The following ALS2 variants were observed in gnomAD, a reference collection of about 807,000 sequenced individuals.
The protein encoded by ALS2 is alsin Rho guanine nucleotide exchange factor ALS2.
ALS2 carries 117 observed loss-of-function variants against 203.4 expected under a neutral mutation model. The observed-to-expected ratio is 0.58, with a 90% confidence interval of 0.50 to 0.67. The LOEUF (loss-of-function observed/expected upper bound fraction) is 0.67, where lower values mean the gene tolerates loss of function less well. ALS2 is among the 30% of genes least tolerant of loss of function. The probability of loss-of-function intolerance (pLI) is 0.00; values close to 1 mark genes in which losing one functional copy is unlikely to be tolerated. For synonymous variants in ALS2, 718 were observed against 725.9 expected (o/e 0.99, Z 0.17); for missense variants, 1,715 against 1,989.4 (o/e 0.86, Z 2.62).
At chr2:201,732,399 CAAA>C (rs11288102) in intron 13 of ALS2, among the ~76,000 whole-genome samples, 3 of 85,144 alleles carry the variant, frequency 3.5e-5, no homozygotes, top group Non-Finnish European at 2.5e-5. Context: ...ACTAAAAATA[CAAA>C]AAAAAAAAAA....
At chr2:201,703,895 G>A (rs41309060) in intron 33 of ALS2, among the ~76,000 whole-genome samples, 1,771 of 152,242 alleles carry the variant, frequency 0.012, 33 homozygotes, top group African/African-American at 0.038. Flanking sequence ...CAATTTACAA[G>A]GAGGATTAGA....
intron 19 of ALS2, among the ~76,000 whole-genome samples, chr2:201,725,756 A>C (rs1483587113): frequency 1.3e-5 from 2 of 152,214 alleles, no homozygotes; most frequent in African/African-American, 2.4e-5. Flanking sequence ...CCATGCGGTA[A>C]GCCCAGGTAT....
At position 201,754,578 on chromosome 2, in the gene ALS2, G is replaced by C. The variant is rs760588436; in HGVS notation, c.1565C>G (p.Pro522Arg). ...TYSGEADALL[P>R]SLRTEVWTWG... ...GGTCCACACTTCTGTTCTCAGAGAAGGCAGGAGCGCATCTGCTTCTCCACT... is the reference window on the plus strand; with the variant it reads ...GGTCCACACTTCTGTTCTCAGAGAACGCAGGAGCGCATCTGCTTCTCCACT... Residue 522 changes from proline to arginine, a missense_variant, in exon 6 of 34, where the codon CCT becomes CGT. Around this residue, in one of 3 missense-constraint regions of ALS2, gnomAD observed 1,227 missense variants for 1,413.5 expected, o/e 0.87. Transcript: ENST00000264276. 2 of 1,614,140 alleles carry C rather than the reference G, an allele frequency of 1.2e-6. No individual in the cohort carries two copies. Among genetic ancestry groups the C allele is most frequent in the Middle Eastern group, 1.6e-4 (1 of 6,062 alleles).
intron 2 of ALS2, among the ~76,000 whole-genome samples, 172 bp downstream of exon 2, chr2:201,768,694 A>G (rs1694227687): frequency 1.3e-5 from 2 of 152,220 alleles, no homozygotes; most frequent in African/African-American, 2.4e-5. Context: ...AAAGCTTACA[A>G]CTAACAAGCC....
chr2:201,730,211 T>C (rs372378521), intron 13 of ALS2, among the ~76,000 whole-genome samples: 6 of 152,314 alleles, frequency 3.9e-5, no homozygotes, highest in Admixed American at 1.3e-4. Context: ...AATGAGCTTT[T>C]TGTACCCTGT....
intron 4 of ALS2, among the ~76,000 whole-genome samples, chr2:201,759,264 G>T (rs1274970607): frequency 6.6e-6 from 1 of 152,098 alleles, no homozygotes; most frequent in African/African-American, 2.4e-5. Flanking sequence ...CAATTTTGAT[G>T]AAATATATAA....
intron 31 of ALS2, among the ~76,000 whole-genome samples, 166 bp from the exon 32 acceptor site, chr2:201,704,769 G>A (rs1241920462): frequency 6.6e-6 from 1 of 152,184 alleles, no homozygotes; most frequent in African/African-American, 2.4e-5. Flanking sequence ...ATGGTGCTAT[G>A]AGAAAAGTAG....
At chr2:201,742,800 G>A (rs965321944) in intron 10 of ALS2, among the ~76,000 whole-genome samples, 1 of 152,142 alleles carries the variant, frequency 6.6e-6, no homozygotes, top group African/African-American at 2.4e-5. Flanking sequence ...GGCCGGGCAC[G>A]GTGGCTCATG....
At chr2:201,704,833 A>G (rs953767231) in intron 31 of ALS2, among the ~76,000 whole-genome samples, 1 of 152,118 alleles carries the variant, frequency 6.6e-6, no homozygotes, top group Non-Finnish European at 1.5e-5. Flanking sequence ...GTGAAATCTC[A>G]TTCTCCTAAT....
At chr2:201,780,563 G>A (rs1694858228) in intron 1 of ALS2, among the ~76,000 whole-genome samples, 1 of 152,182 alleles carries the variant, frequency 6.6e-6, no homozygotes, top group South Asian at 2.1e-4. Context: ...CGGGAAGAGG[G>A]GGCTTGAAGG....
intron 23 of ALS2, 99 bp downstream of exon 23, chr2:201,722,944 G>A: frequency 1.1e-6 from 1 of 937,378 alleles, no homozygotes; most frequent in Non-Finnish European, 1.7e-6. Context: ...CACTTGAAAG[G>A]GGTGAATTTT....
chr2:201,730,424 C>G (rs933729122), intron 13 of ALS2, among the ~76,000 whole-genome samples: 1 of 152,096 alleles, frequency 6.6e-6, no homozygotes, highest in East Asian at 1.9e-4. Context: ...AGATAAAGTC[C>G]TAAGTATCAG....
Position 201,718,180 on chromosome 2 carries a change from T to G in ALS2, c.3733A>C (p.Ile1245Leu). The change falls in exon 24 of 34, where the codon ATT becomes CTT. Residue 1245 changes from isoleucine to leucine, a missense_variant. Ile to Leu is a conservative substitution (Grantham distance 5, BLOSUM62 2). This residue lies in a region of ALS2 where 1,227 missense variants were observed against 1,413.5 expected (regional missense o/e 0.87). Coordinates refer to ENST00000264276, the MANE Select transcript of ALS2 (RefSeq NM_020919.4). The stretch of plus-strand genomic sequence containing the variant: ...CATTCTCCACTAAAATAACCTTCAA[T>G]GTAGTCTCCATTTGGCATAGTCAGT... Reference protein sequence around the residue: ...GTLTMPNGDYIEGYFSGEWGS... With the variant: ...GTLTMPNGDYLEGYFSGEWGS... 1.2e-6 allele frequency: 2 copies of G among 1,613,626 alleles called. No homozygotes were observed. The highest frequency in any genetic ancestry group is 1.7e-6 in the Non-Finnish European group (2 of 1,179,558).
chr2:201,746,764 GAT>G lies in ALS2; in HGVS notation c.1816-18_1816-17del, dbSNP rs1304995143. On this transcript the variant is annotated splice_polypyrimidine_tract_variant and intron_variant, in intron 8 of 33. Transcript: ENST00000264276. Reference sequence around the variant, plus strand: ...CACTGCTTATCTGCAACGACAGAAAGATAGTGTCTGTCCAAGATAAAGGCAAT... The same window carrying G: ...CACTGCTTATCTGCAACGACAGAAAGAGTGTCTGTCCAAGATAAAGGCAAT... 6.2e-6 allele frequency: 10 copies of G among 1,613,534 alleles called. No homozygotes were observed. Among genetic ancestry groups the G allele is most frequent in the Admixed American group, 1.7e-5 (1 of 60,000 alleles).
intron 23 of ALS2, among the ~76,000 whole-genome samples, chr2:201,721,435 T>G (rs549488289): frequency 6.6e-6 from 1 of 152,186 alleles, no homozygotes; most frequent in Non-Finnish European, 1.5e-5. Flanking sequence ...GTAATCTAGA[T>G]GGTGTGGTAT....
Position 201,725,407 on chromosome 2 carries a change from T to C in ALS2, c.3296A>G (p.His1099Arg), listed in dbSNP as rs902170022. 3.1e-6 allele frequency: 5 copies of C among 1,613,996 alleles called. No individual in the cohort carries two copies. Among genetic ancestry groups the C allele is most frequent in the South Asian group, 1.1e-5 (1 of 91,084 alleles). ...IPNKAMNKED[H>R]YVGHWKEGKM... Reference sequence around the variant, plus strand: ...TCCTTCTTTCCAATGGCCCACATAATGGTCTTCTTTGTTCATTGCCTTGTT... The same window carrying C: ...TCCTTCTTTCCAATGGCCCACATAACGGTCTTCTTTGTTCATTGCCTTGTT... Residue 1099 changes from histidine to arginine, a missense_variant, in exon 20 of 34, where the codon CAT (histidine) becomes CGT (arginine). Physicochemically the swap from His to Arg is conservative, Grantham distance 29. Around this residue, in one of 3 missense-constraint regions of ALS2, gnomAD observed 1,227 missense variants for 1,413.5 expected, o/e 0.87. Coordinates refer to ENST00000264276, the MANE Select transcript of ALS2 (RefSeq NM_020919.4).
intron 3 of ALS2, chr2:201,763,010 C>A: frequency 6.2e-6 from 1 of 161,504 alleles, no homozygotes; most frequent in Non-Finnish European, 1.4e-5. Flanking sequence ...TTCCTGGGGA[C>A]CTCTCTCAAG....
intron 30 of ALS2, 66 bp from the exon 31 acceptor site, chr2:201,705,266 C>T: frequency 6.5e-7 from 1 of 1,534,982 alleles, no homozygotes; most frequent in Middle Eastern, 1.7e-4. Context: ...ATAAATGATA[C>T]TGATGTCAGA....
At position 201,704,119 on chromosome 2, in the gene ALS2, C is replaced by T. The variant is rs1475868954; in HGVS notation, c.4935+3G>A. The T allele has an allele frequency of 6.2e-7, 1 of 1,602,818 alleles. No individual in the cohort carries two copies. Among genetic ancestry groups the T allele is most frequent in the East Asian group, 2.2e-5 (1 of 44,788 alleles). On this transcript the variant is annotated splice_donor_region_variant and intron_variant, in intron 33 of 33. Coordinates refer to ENST00000264276, the MANE Select transcript of ALS2 (RefSeq NM_020919.4). ...GAAAGTATTAAATAATAACTATACT[C>T]ACCTTCAAGGTGGTGAACATTATAC... is the stretch of plus-strand genomic sequence containing the variant.
Sources: gnomAD v4.1 joint callset for allele counts (sites outside exome capture counted in the v4.1 genomes callset) on GRCh38, gnomAD v4.1.1 for gene constraint, gnomAD v4.1.1 regional missense constraint, MANE v1.5 for transcripts, NCBI Gene and HGNC (gene_info 2026-07-23, HGNC 2026-07-21) for gene names.